CEP350: variants seen among roughly 807,000 people sequenced by gnomAD.
The protein encoded by CEP350 is centrosome-associated protein 350.
CEP350 carries 126 observed loss-of-function variants against 331.8 expected under a neutral mutation model. The ratio of observed to expected loss-of-function variants is 0.38; its 90% CI spans 0.33 to 0.44. The LOEUF (loss-of-function observed/expected upper bound fraction) is 0.44, where lower values mean the gene tolerates loss of function less well. Ranked by LOEUF, CEP350 falls within the 20% of genes least tolerant of loss-of-function variation. The probability of loss-of-function intolerance (pLI) is 1.00; values close to 1 mark genes in which losing one functional copy is unlikely to be tolerated. For synonymous variants in CEP350, 1,200 were observed against 1,259.5 expected (o/e 0.95, Z 1.00); for missense variants, 3,406 against 3,634.6 (o/e 0.94, Z 1.62).
intron 7 of CEP350, 75 bp from the exon 8 acceptor site, chr1:180,006,379 T>A (rs1654258012): frequency 3.8e-6 from 3 of 788,000 alleles, no homozygotes; most frequent in African/African-American, 1.7e-5. Flanking sequence ...TTATACAGAT[T>A]TTTCCTATGG....
chr1:179,973,929 C>G (rs1651644983), intron 1 of CEP350, among the ~76,000 whole-genome samples: 1 of 151,924 alleles, frequency 6.6e-6, no homozygotes, highest in Non-Finnish European at 1.5e-5. Flanking sequence ...CTTTAACTAC[C>G]TCTTCTGCTT....
intron 1 of CEP350, among the ~76,000 whole-genome samples, chr1:179,956,487 G>A (rs1311443712): frequency 6.6e-6 from 1 of 152,114 alleles, no homozygotes; most frequent in Non-Finnish European, 1.5e-5. Flanking sequence ...TCATGTAAGA[G>A]CGTTAATACT....
Position 180,093,316 on chromosome 1 carries a change from C to T in CEP350, c.7211C>T (p.Ser2404Leu). 1 of 1,598,436 alleles carries T rather than the reference C, an allele frequency of 6.3e-7. No homozygotes were observed. The highest frequency in any genetic ancestry group is 8.5e-7 in the Non-Finnish European group (1 of 1,172,022). ...GATTTTGAGGTGTCATCTTTGCTGT[C>T]ACTCAGGAAAGACTCTCAGTCTTGC... ...KDDFEVSSLL[S>L]LRKDSQSCRD... The change falls in exon 34 of 38, where the codon TCA becomes TTA. Residue 2404 changes from serine (S) to leucine (L), a missense_variant. Ser to Leu is a moderately radical substitution (Grantham distance 145). Transcript: ENST00000367607.
chr1:180,111,239 A>G lies in CEP350; in HGVS notation c.*78A>G. 2.6e-6 allele frequency: 4 copies of G among 1,531,466 alleles called. No homozygotes were observed. The highest frequency in any genetic ancestry group is 2.7e-6 in the Non-Finnish European group (3 of 1,124,688). 94.9% of individuals were successfully genotyped at this position (1,531,466 alleles called of 1,614,324 possible). ...TGCCTCCTGATGTACACCCATCGCC[A>G]TCATAGCAAGAGTGCTTCTGGACCT... On this transcript the variant is annotated 3_prime_UTR_variant, in exon 38 of 38. Transcript: ENST00000367607.
At chr1:180,075,560 A>T (rs1394408324) in intron 28 of CEP350, among the ~76,000 whole-genome samples, 1 of 151,976 alleles carries the variant, frequency 6.6e-6, no homozygotes, top group African/African-American at 2.4e-5. Flanking sequence ...ACAGAGTGAG[A>T]CTCTGTCTCT....
At chr1:180,042,132 T>TCTCTCACACACACACA (rs1553258521) in intron 19 of CEP350, among the ~76,000 whole-genome samples, 43 of 146,870 alleles carry the variant, frequency 2.9e-4, no homozygotes, top group African/African-American at 1.1e-3. Context: ...GAGTTTTCTC[T>TCTCTCACACACACACA]CACACACACA....
Position 180,081,844 on chromosome 1 carries a change from C to A in CEP350, c.6124+1183C>A, listed in dbSNP as rs149829296. Among the ~76,000 whole-genome samples, 147 of 152,082 alleles carry A rather than the reference C, an allele frequency of 9.7e-4. 2 individuals carry two copies. In the East Asian group the frequency reaches 0.025, roughly 26 times the overall value. ...GTGTTTATCATGTATAATAAAAATT[C>A]TTTTTGTATATTTCAGTGTGGAATA... On this transcript the variant is annotated intron_variant, in intron 30 of 37. Transcript: ENST00000367607.
chr1:180,006,770 C>T (rs1654287352), intron 8 of CEP350, among the ~76,000 whole-genome samples: 1 of 152,118 alleles, frequency 6.6e-6, no homozygotes, highest in South Asian at 2.1e-4. Flanking sequence ...CTCCCAGCCC[C>T]CAACAAGCCC....
intron 1 of CEP350, among the ~76,000 whole-genome samples, chr1:179,976,835 C>G (rs1236902828): frequency 6.6e-6 from 1 of 151,608 alleles, no homozygotes; most frequent in Admixed American, 6.6e-5. Flanking sequence ...TTTATTTTTC[C>G]CCCGTAAGGA....
intron 1 of CEP350, among the ~76,000 whole-genome samples, chr1:179,961,443 C>G (rs914326283): frequency 6.6e-6 from 1 of 151,962 alleles, no homozygotes; most frequent in Non-Finnish European, 1.5e-5. Flanking sequence ...GAGACTGTGT[C>G]TCAAAAATAA....
intron 1 of CEP350, among the ~76,000 whole-genome samples, chr1:179,966,360 G>A (rs535347721): frequency 2.4e-4 from 37 of 152,200 alleles, no homozygotes; most frequent in African/African-American, 6.7e-4. Context: ...GGAATGTACC[G>A]TTGTGATTTT....
chr1:180,013,166 T>C (rs1481229798), intron 9 of CEP350, among the ~76,000 whole-genome samples: 43 of 152,198 alleles, frequency 2.8e-4, no homozygotes, highest in Admixed American at 2.8e-3. Flanking sequence ...GCATTTGTTA[T>C]ACAGATGTTT....
At chr1:180,060,102 G>T (rs892936637) in intron 25 of CEP350, among the ~76,000 whole-genome samples, 4 of 152,036 alleles carry the variant, frequency 2.6e-5, no homozygotes, top group African/African-American at 9.7e-5. Flanking sequence ...CACAATCATT[G>T]TATACTCATT....
chr1:179,984,587 C>G (rs111969221), intron 1 of CEP350, among the ~76,000 whole-genome samples: 1 of 152,208 alleles, frequency 6.6e-6, no homozygotes, highest in African/African-American at 2.4e-5. Flanking sequence ...TTGTCACTTT[C>G]ACCACATGTG....
At chr1:179,967,551 A>G (rs553547128) in intron 1 of CEP350, among the ~76,000 whole-genome samples, 8 of 152,238 alleles carry the variant, frequency 5.3e-5, no homozygotes, top group Admixed American at 6.5e-5. Context: ...AGCTGGGATT[A>G]CAGACATGCA....
intron 15 of CEP350, 55 bp from the exon 16 acceptor site, chr1:180,033,807 T>C (rs1330796892): frequency 6.6e-7 from 1 of 1,518,890 alleles, no homozygotes; most frequent in Non-Finnish European, 9.0e-7. Flanking sequence ...ATTATTTAGC[T>C]GGTTTACAAA....
rs188029727 is a variant in CEP350 at position 180,032,132 on chromosome 1, T to A, written c.3725+638T>A. On this transcript the variant is annotated intron_variant, in intron 15 of 37. Transcript: ENST00000367607. The stretch of plus-strand genomic sequence containing the variant: ...TATTGTATACGATGCACTTAGTCCG[T>A]TGCTTACAAATAACCTTCAGTTGTT... Among the ~76,000 whole-genome samples the A allele has an allele frequency of 7.6e-4, 116 of 152,246 alleles. 1 individual carries two copies. The highest frequency in any genetic ancestry group is 4.1e-4 in the South Asian group (2 of 4,828).
intron 4 of CEP350, among the ~76,000 whole-genome samples, chr1:179,990,969 A>G (rs73032376): frequency 0.017 from 2,555 of 151,980 alleles, 73 homozygotes; most frequent in African/African-American, 0.058. Context: ...TTTTCCTTTG[A>G]TATTTGGTAG....
intron 28 of CEP350, among the ~76,000 whole-genome samples, chr1:180,078,160 CAAGGACCAAA>C (rs1659350695): frequency 6.6e-6 from 1 of 151,236 alleles, no homozygotes; most frequent in South Asian, 2.1e-4. Context: ...CATGAAAGAA[CAAGGACCAAA>C]AAGCAAAGAC....
Sources: allele counts gnomAD v4.1 joint callset (sites outside exome capture counted in the v4.1 genomes callset), GRCh38; gene constraint gnomAD v4.1.1; transcripts MANE v1.5; gene names NCBI Gene and HGNC (gene_info 2026-07-23, HGNC 2026-07-21).